PDE4D: variants seen among roughly 807,000 people sequenced by gnomAD.
PDE4D encodes 3',5'-cyclic-AMP phosphodiesterase 4D.
In PDE4D, 24 loss-of-function variants were observed where a neutral mutation model predicts 87.4. The ratio of observed to expected loss-of-function variants is 0.27; its 90% CI spans 0.20 to 0.39. The LOEUF is 0.39. Among genes scored for constraint, PDE4D ranks in the 10% least tolerant of loss-of-function variants. The pLI, the probability that PDE4D is intolerant of heterozygous loss-of-function variation, is 1.00. For missense variants in PDE4D, 714 were observed against 1,041.0 expected (o/e 0.69, Z 4.32); for synonymous variants, 384 against 383.2 (o/e 1.00, Z -0.02).
chr5:60,503,356 T>C (rs1253242257), intron 1 of PDE4D, among the ~76,000 whole-genome samples: 1 of 152,186 alleles, frequency 6.6e-6, no homozygotes, highest in Non-Finnish European at 1.5e-5. Context: ...CAATATTTAT[T>C]TGATACTCTG....
At chr5:60,390,105 C>T (rs768360879) in intron 1 of PDE4D, among the ~76,000 whole-genome samples, 9 of 152,202 alleles carry the variant, frequency 5.9e-5, no homozygotes, top group Non-Finnish European at 1.2e-4. Context: ...ATTGGCTGGC[C>T]CTTCTACCTA....
Position 59,551,400 on chromosome 5 carries a change from G to A in PDE4D, c.456-335432C>T, listed in dbSNP as rs1490770009. Among the ~76,000 whole-genome samples the A allele has an allele frequency of 1.2e-4, 18 of 150,648 alleles. No homozygotes were observed. The South Asian group carries it at 1.5e-3, about 12-fold the overall frequency. On this transcript the variant is annotated intron_variant, in intron 1 of 14. Coordinates refer to ENST00000340635, the MANE Select transcript of PDE4D (RefSeq NM_001104631.2). ...CTAACTTTATATTATTTTCCCAAAC[G>A]ATAGCTGTTGCTTTCAACACCATTT...
At chr5:59,840,842 T>C (rs1742893117) in intron 1 of PDE4D, among the ~76,000 whole-genome samples, 1 of 152,050 alleles carries the variant, frequency 6.6e-6, no homozygotes, top group African/African-American at 2.4e-5. Flanking sequence ...AACTGTCTGG[T>C]GTAGAAGGTA....
intron 1 of PDE4D, among the ~76,000 whole-genome samples, chr5:59,419,947 G>A (rs894857593): frequency 6.6e-6 from 1 of 152,198 alleles, no homozygotes; most frequent in Admixed American, 6.5e-5. Flanking sequence ...GATGGGAAGA[G>A]TGGTAGATCC....
intron 2 of PDE4D, among the ~76,000 whole-genome samples, chr5:60,017,404 T>C (rs1356383165): frequency 5.9e-5 from 9 of 152,154 alleles, no homozygotes; most frequent in Non-Finnish European, 1.3e-4. Flanking sequence ...ACCTAGGACT[T>C]AAGCCCCACA....
chr5:59,338,266 G>A (rs35258), intron 1 of PDE4D, among the ~76,000 whole-genome samples: 1 of 151,996 alleles, frequency 6.6e-6, no homozygotes, highest in Non-Finnish European at 1.5e-5. Flanking sequence ...GCAAAAGTGG[G>A]ATCTCATGCT....
rs559257823 is a variant in PDE4D at position 59,244,331 on chromosome 5, T to C, written c.456-28363A>G. Among the ~76,000 whole-genome samples, 22 of 151,976 alleles carry C rather than the reference T, an allele frequency of 1.4e-4. No individual in the cohort carries two copies. The South Asian group carries it at 4.6e-3, about 32-fold the overall frequency. The stretch of plus-strand genomic sequence containing the variant: ...AAGAATCACTTGAACCCAGGAGACG[T>C]AGGTTTCAGTGAGCCAAGATTGTGC... On this transcript the variant is annotated intron_variant, in intron 1 of 14. Transcript: ENST00000340635.
chr5:59,587,491 T>C (rs1825336170), intron 1 of PDE4D: 2 of 985,336 alleles, frequency 2.0e-6, no homozygotes, highest in African/African-American at 3.5e-5. Context: ...AGGCTCCTGC[T>C]GGAGTCCCCC....
chr5:59,153,290 G>A (rs187136807), intron 5 of PDE4D, among the ~76,000 whole-genome samples: 1 of 152,130 alleles, frequency 6.6e-6, no homozygotes, highest in South Asian at 2.1e-4. Flanking sequence ...ATGCTACTCG[G>A]ACACACCAAA....
intron 1 of PDE4D, among the ~76,000 whole-genome samples, chr5:59,492,931 C>T (rs1301668277): frequency 6.6e-6 from 1 of 152,162 alleles, no homozygotes; most frequent in East Asian, 1.9e-4. Flanking sequence ...CTCCTCCTTG[C>T]CTTTTGCCAT....
intron 1 of PDE4D, among the ~76,000 whole-genome samples, chr5:59,387,143 T>C (rs1010081991): frequency 6.6e-6 from 1 of 152,186 alleles, no homozygotes; most frequent in African/African-American, 2.4e-5. Context: ...ATGTTCTCTG[T>C]GGAGCACCCA....
chr5:58,997,758 C>A (rs1055287006), intron 6 of PDE4D, among the ~76,000 whole-genome samples: 2 of 152,002 alleles, frequency 1.3e-5, no homozygotes, highest in African/African-American at 4.8e-5. Flanking sequence ...GCAGTTAAGG[C>A]ATAAAGGAAA....
intron 1 of PDE4D, among the ~76,000 whole-genome samples, chr5:59,518,564 A>G (rs1407067936): frequency 6.6e-6 from 1 of 152,110 alleles, no homozygotes; most frequent in Non-Finnish European, 1.5e-5. Flanking sequence ...GCAATACCAA[A>G]TGGTTTCAGT....
intron 1 of PDE4D, among the ~76,000 whole-genome samples, chr5:60,229,066 G>A (rs1396035249): frequency 1.3e-5 from 2 of 152,130 alleles, no homozygotes; most frequent in African/African-American, 4.8e-5. Context: ...ATATAAGTCT[G>A]CTGATACATC....
intron 1 of PDE4D, among the ~76,000 whole-genome samples, chr5:60,397,340 C>T (rs1762953029): frequency 6.6e-6 from 1 of 152,148 alleles, no homozygotes; most frequent in African/African-American, 2.4e-5. Context: ...AGCTACACTC[C>T]CATGTTCATT....
At chr5:59,714,108 C>T (rs1199645874) in intron 1 of PDE4D, among the ~76,000 whole-genome samples, 1 of 152,124 alleles carries the variant, frequency 6.6e-6, no homozygotes, top group African/African-American at 2.4e-5. Flanking sequence ...GGGAAGATGC[C>T]CCACCTGCAG....
chr5:59,608,277 C>T (rs184392137), intron 1 of PDE4D, among the ~76,000 whole-genome samples: 27 of 152,206 alleles, frequency 1.8e-4, no homozygotes, highest in African/African-American at 6.5e-4. Flanking sequence ...TTTCTAATTC[C>T]TCCCTATGTC....
At chr5:59,381,284 A>G (rs764764906) in intron 1 of PDE4D, among the ~76,000 whole-genome samples, 5 of 152,148 alleles carry the variant, frequency 3.3e-5, no homozygotes, top group Non-Finnish European at 5.9e-5. Flanking sequence ...CGTTCTGATG[A>G]CTTCGATATT....
intron 2 of PDE4D, among the ~76,000 whole-genome samples, chr5:60,106,899 G>T (rs1240771612): frequency 3.6e-4 from 55 of 151,194 alleles, no homozygotes; most frequent in Middle Eastern, 3.4e-3. Flanking sequence ...GCCCACAAGA[G>T]AAAGCAGGAA....
Sources: gnomAD v4.1 joint callset for allele counts (sites outside exome capture counted in the v4.1 genomes callset) on GRCh38, gnomAD v4.1.1 for gene constraint, MANE v1.5 for transcripts, NCBI Gene and HGNC (gene_info 2026-07-23, HGNC 2026-07-21) for gene names.